The following NME7 variants were observed in gnomAD, a reference collection of about 807,000 sequenced individuals.
NME7 encodes the protein NME/NM23 family member 7.
NME7 carries 41 observed loss-of-function variants against 49.1 expected under a neutral mutation model. The observed-to-expected ratio is 0.83, with a 90% CI of 0.65 to 1.08. The LOEUF is 1.08. Among genes scored for constraint, NME7 ranks in the 50% least tolerant of loss-of-function variants. The probability of loss-of-function intolerance (pLI) is 0.00; values close to 1 mark genes in which losing one functional copy is unlikely to be tolerated. For missense variants in NME7, 423 were observed against 463.4 expected (o/e 0.91, Z 0.80); for synonymous variants, 139 against 150.6 (o/e 0.92, Z 0.56).
chr1:169,305,011 G>C (rs1651118554), intron 4 of NME7, among the ~76,000 whole-genome samples: 1 of 151,986 alleles, frequency 6.6e-6, no homozygotes, highest in Non-Finnish European at 1.5e-5. Flanking sequence ...CTACAAGAAA[G>C]GAAAAAGCAA....
At chr1:169,164,632 T>G (rs2101837962) in intron 11 of NME7, among the ~76,000 whole-genome samples, 1 of 152,304 alleles carries the variant, frequency 6.6e-6, no homozygotes, top group East Asian at 1.9e-4. Context: ...TACGGACTGA[T>G]GCAGACTATG....
chr1:169,273,207 C>T (rs1450160006), intron 7 of NME7, among the ~76,000 whole-genome samples: 2 of 132,644 alleles, frequency 1.5e-5, no homozygotes, highest in African/African-American at 2.5e-5. Flanking sequence ...CATCCCTCCC[C>T]TAGCCTCCCA....
intron 10 of NME7, among the ~76,000 whole-genome samples, chr1:169,222,955 T>C (rs1661189577): frequency 6.6e-6 from 1 of 152,178 alleles, no homozygotes; most frequent in Admixed American, 6.6e-5. Flanking sequence ...AATACAGTCT[T>C]CATACTTAGA....
At chr1:169,330,105 CA>C (rs201971298) in intron 1 of NME7, among the ~76,000 whole-genome samples, 3,145 of 152,172 alleles carry the variant, frequency 0.021, 110 homozygotes, top group African/African-American at 0.072. Flanking sequence ...AAATATCCTT[CA>C]AACATCAAGG....
At chr1:169,255,002 A>T (rs1297100496) in intron 7 of NME7, among the ~76,000 whole-genome samples, 2 of 134,064 alleles carry the variant, frequency 1.5e-5, no homozygotes. Context: ...TCAATTTTGG[A>T]ATAGGTGTGG....
At chr1:169,287,969 ACAAT>A (rs1650342778) in intron 6 of NME7, among the ~76,000 whole-genome samples, 1 of 133,832 alleles carries the variant, frequency 7.5e-6, no homozygotes, top group Admixed American at 7.8e-5. Context: ...TGACAACACA[ACAAT>A]TTGAACTAGC....
intron 7 of NME7, among the ~76,000 whole-genome samples, chr1:169,251,775 T>C (rs1262654941): frequency 6.8e-6 from 1 of 147,014 alleles, no homozygotes; most frequent in Non-Finnish European, 1.5e-5. Flanking sequence ...GTGATCTCAT[T>C]GTTCAATTCC....
At chr1:169,174,771 A>G (rs2101739071) in intron 10 of NME7, among the ~76,000 whole-genome samples, 1 of 152,294 alleles carries the variant, frequency 6.6e-6, no homozygotes, top group Middle Eastern at 3.4e-3. Context: ...ATGTAGACCT[A>G]TAGAGGGCAC....
chr1:169,278,634 T>G (rs563004701), intron 7 of NME7, among the ~76,000 whole-genome samples: 33 of 152,320 alleles, frequency 2.2e-4, no homozygotes, highest in Admixed American at 9.1e-4. Flanking sequence ...TGATTTGAAT[T>G]TCCTCCTATA....
intron 3 of NME7, among the ~76,000 whole-genome samples, chr1:169,310,330 T>G (rs1431862584): frequency 6.6e-6 from 1 of 152,176 alleles, no homozygotes; most frequent in Admixed American, 6.5e-5. Flanking sequence ...CACTAAAATT[T>G]AATTATTTTT....
chr1:169,299,208 T>C (rs1480393129), intron 5 of NME7, among the ~76,000 whole-genome samples: 4 of 152,094 alleles, frequency 2.6e-5, no homozygotes, highest in Non-Finnish European at 5.9e-5. Context: ...TGTGTAAAAC[T>C]ATTAGAATTC....
intron 10 of NME7, among the ~76,000 whole-genome samples, chr1:169,190,957 C>A (rs1267344089): frequency 8.8e-6 from 1 of 113,058 alleles, no homozygotes. Flanking sequence ...GGACTACAGG[C>A]GCCCGCCACT....
At chr1:169,178,106 TG>T (rs1009344829) in intron 10 of NME7, among the ~76,000 whole-genome samples, 5 of 152,180 alleles carry the variant, frequency 3.3e-5, no homozygotes, top group Non-Finnish European at 7.3e-5. Context: ...CCCAAAGTGC[TG>T]GGATTACAGG....
intron 3 of NME7, among the ~76,000 whole-genome samples, chr1:169,313,039 C>G (rs867168650): frequency 1.3e-5 from 2 of 151,920 alleles, no homozygotes; most frequent in African/African-American, 4.8e-5. Context: ...AATGAGGCAC[C>G]TGTAATTTGG....
chr1:169,337,459 C>CCCT (rs1265484319), intron 1 of NME7, among the ~76,000 whole-genome samples: 2 of 152,188 alleles, frequency 1.3e-5, no homozygotes, highest in Non-Finnish European at 2.9e-5. Flanking sequence ...TCACGCCTCT[C>CCCT]CCTCCACACC....
intron 11 of NME7, among the ~76,000 whole-genome samples, chr1:169,145,428 C>G (rs1327648754): frequency 1.3e-5 from 2 of 152,164 alleles, no homozygotes; most frequent in African/African-American, 4.8e-5. Context: ...TGGTGCTCTT[C>G]TCTCTTATGC....
chr1:169,197,254 G>A (rs1000437379), intron 10 of NME7, among the ~76,000 whole-genome samples: 5 of 152,024 alleles, frequency 3.3e-5, no homozygotes, highest in Non-Finnish European at 7.4e-5. Context: ...TATGCTTTTA[G>A]ATTTTATTTA....
Position 169,324,440 on chromosome 1 carries a change from G to A in NME7, c.64C>T (p.Arg22Ter), listed in dbSNP as rs781410209. The A allele has an allele frequency of 7.4e-6, 12 of 1,613,098 alleles. No homozygotes were observed. Among genetic ancestry groups the A allele is most frequent in the African/African-American group, 2.7e-5 (2 of 74,826 alleles). The change falls in exon 2 of 12, where the codon CGA (arginine) becomes TGA (stop). Residue 22 changes from arginine to a stop codon, truncating the protein, a stop_gained. Transcript: ENST00000367811. LOFTEE classifies it high-confidence loss of function. ...EWYDPNASLL[R>*]RYELLFYPGD... The stretch of plus-strand genomic sequence containing the variant: ...GGGTAAAATAAAAGCTCATAACGTC[G>A]AAGAAGTGAAGCATTTGGATCATAC...
intron 1 of NME7, among the ~76,000 whole-genome samples, chr1:169,346,403 C>A (rs1652952037): frequency 6.6e-6 from 1 of 152,162 alleles, no homozygotes; most frequent in Admixed American, 6.6e-5. Context: ...ATGCTCCCAC[C>A]TAAAAAAGTC....
Sources: allele counts gnomAD v4.1 joint callset (sites outside exome capture counted in the v4.1 genomes callset), GRCh38; gene constraint gnomAD v4.1.1; transcripts MANE v1.5; gene names NCBI Gene and HGNC (gene_info 2026-07-23, HGNC 2026-07-21).